Variants in CRACD observed in about 807,000 individuals in gnomAD.
The protein encoded by CRACD is capping protein inhibiting regulator of actin dynamics.
Under a neutral mutation model 106.8 loss-of-function variants are expected in CRACD, and 56 were observed. The observed-to-expected ratio is 0.52, with a 90% CI of 0.42 to 0.66. The LOEUF (loss-of-function observed/expected upper bound fraction) is 0.66. CRACD is among the 30% of genes least tolerant of loss of function. The pLI, the probability that CRACD is intolerant of heterozygous loss-of-function variation, is 0.00. For synonymous variants in CRACD, 754 were observed against 670.8 expected, an observed-to-expected ratio of 1.12 and a Z score of -1.92; for missense variants, 1,730 against 1,623.2, an observed-to-expected ratio of 1.07 and a Z score of -1.13.
intron 1 of CRACD, among the ~76,000 whole-genome samples, chr4:56,100,799 C>A (rs1427268128): frequency 6.6e-6 from 1 of 152,192 alleles, no homozygotes; most frequent in African/African-American, 2.4e-5. Flanking sequence ...CTGGCCTCCA[C>A]AATTCTGACA....
rs547519467 is a variant in CRACD, at chr4:56,229,849, G to A, written c.-188-42472G>A. On this transcript the variant is annotated intron_variant, in intron 2 of 10. Transcript: ENST00000682029. The stretch of plus-strand genomic sequence containing the variant: ...CTTCATTGCTTCCATTGCTACCCCT[G>A]CACAACTCTGTGATTTATCTCTGAA... 9.6e-4 allele frequency among the ~76,000 whole-genome samples: 146 copies of A among 152,206 alleles called. 1 individual carries two copies. Among genetic ancestry groups the A allele is most frequent in the African/African-American group, 3.5e-3 (145 of 41,528 alleles).
Position 56,324,207 on chromosome 4 carries a change from C to T in CRACD, c.3482C>T (p.Ser1161Phe), listed in dbSNP as rs749267106. The T allele has an allele frequency of 6.2e-7, 1 of 1,614,238 alleles. No individual in the cohort carries two copies. The highest frequency in any genetic ancestry group is 1.1e-5 in the South Asian group (1 of 91,082). ...GAGAAGAGGCCCGAGACTGCAGTGT[C>T]CAGGCTTGAGCGCAGAGAACAGCTG... The part of the protein sequence containing the change: ...PEEKRPETAV[S>F]RLERREQLKK... The change falls in exon 10 of 11, where the codon TCC becomes TTC. Residue 1161 changes from serine to phenylalanine, a missense_variant. By Grantham distance (155) the Ser-to-Phe change is radical (BLOSUM62 -2). Transcript: ENST00000682029.
At chr4:56,184,078 T>C (rs984186740) in intron 2 of CRACD, among the ~76,000 whole-genome samples, 1 of 152,152 alleles carries the variant, frequency 6.6e-6, no homozygotes, top group African/African-American at 2.4e-5. Context: ...TTTCTTTCTT[T>C]TTTTTCCCCC....
At position 56,315,319 on chromosome 4, in the gene CRACD, C is replaced by G. The variant is rs1196956721; in HGVS notation, c.1817C>G (p.Pro606Arg). ...GTCACGGGCGCGCAGCTCTGTGGCCCGGCAGTCAACCTGAGCCAGATCAAG... is the reference window on the plus strand; with the variant it reads ...GTCACGGGCGCGCAGCTCTGTGGCCGGGCAGTCAACCTGAGCCAGATCAAG... ...ILVTGAQLCG[P>R]AVNLSQIKDT... The change falls in exon 8 of 11, where the codon CCG (proline) becomes CGG (arginine). Residue 606 changes from proline (P) to arginine (R), a missense_variant. Pro to Arg is a moderately radical substitution (Grantham distance 103). Transcript: ENST00000682029. This position sits in a 1 kb window ranked among gnomAD's most constrained non-coding sequence, Gnocchi z 4.1. 2 of 1,613,762 alleles carry G rather than the reference C, an allele frequency of 1.2e-6. No homozygotes were observed. Among genetic ancestry groups the G allele is most frequent in the Middle Eastern group, 1.6e-4 (1 of 6,082 alleles).
intron 1 of CRACD, among the ~76,000 whole-genome samples, chr4:56,060,249 A>C (rs1275548879): frequency 6.6e-6 from 1 of 151,728 alleles, no homozygotes; most frequent in Non-Finnish European, 1.5e-5. Context: ...TGTTCATGCC[A>C]GTTACTGTGG....
chr4:56,270,215 T>G (rs1252638131), intron 2 of CRACD, among the ~76,000 whole-genome samples: 1 of 115,788 alleles, frequency 8.6e-6, no homozygotes, highest in Non-Finnish European at 1.8e-5. Context: ...CTTCAAATTT[T>G]CTTTTTCTTT....
chr4:56,237,721 TACAC>T (rs36207795), intron 2 of CRACD, among the ~76,000 whole-genome samples: 5,351 of 144,264 alleles, frequency 0.037, 115 homozygotes, highest in Admixed American at 0.077. Context: ...AGATATTACA[TACAC>T]ACACACACAC....
intron 2 of CRACD, among the ~76,000 whole-genome samples, chr4:56,221,579 T>C (rs1243112651): frequency 1.3e-5 from 2 of 151,918 alleles, no homozygotes; most frequent in African/African-American, 4.8e-5. Context: ...ACCCACAGAA[T>C]GGGAGAAAAT....
chr4:56,267,616 C>CT (rs990874898), intron 2 of CRACD, among the ~76,000 whole-genome samples: 3 of 152,240 alleles, frequency 2.0e-5, no homozygotes, highest in East Asian at 3.9e-4. Context: ...CTTAGGACCT[C>CT]TTTTTTTCTT....
At chr4:56,088,080 C>T (rs1190037356) in intron 1 of CRACD, among the ~76,000 whole-genome samples, 1 of 151,826 alleles carries the variant, frequency 6.6e-6, no homozygotes, top group African/African-American at 2.4e-5. Context: ...CCCAAATCTC[C>T]AGTGTGACTA....
intron 2 of CRACD, among the ~76,000 whole-genome samples, chr4:56,182,205 A>G (rs1736856882): frequency 6.6e-6 from 1 of 151,908 alleles, no homozygotes; most frequent in African/African-American, 2.4e-5. Context: ...ACGTGGCAAA[A>G]TCCTGTCTCT....
Position 56,272,325 on chromosome 4 carries a change from G to C in CRACD, c.-184G>C, listed in dbSNP as rs1742404388. 6.5e-6 allele frequency: 1 copy of C among 153,296 alleles called. No individual in the cohort carries two copies. Among genetic ancestry groups the C allele is most frequent in the South Asian group, 2.1e-4 (1 of 4,834 alleles). The allele number at this position is 153,296 out of a possible 1,614,324, so 9.5% of individuals were successfully genotyped here. On this transcript the variant is annotated 5_prime_UTR_variant, in exon 3 of 11. Transcript: ENST00000682029. ...TGTTTGTTTTACAATCCACAGACAA[G>C]AAGAAGGGAGGCAAATTCCAGCCTT...
intron 2 of CRACD, among the ~76,000 whole-genome samples, chr4:56,227,348 G>T (rs1441715894): frequency 7.0e-6 from 1 of 142,716 alleles, no homozygotes; most frequent in African/African-American, 2.6e-5. Context: ...AAAATTTCAG[G>T]TGTGGGACAC....
intron 1 of CRACD, among the ~76,000 whole-genome samples, chr4:56,095,896 G>A (rs1051680366): frequency 7.9e-5 from 12 of 152,190 alleles, no homozygotes; most frequent in African/African-American, 2.9e-4. Flanking sequence ...AGTGAGATAT[G>A]GTTTTTATAT....
intron 2 of CRACD, among the ~76,000 whole-genome samples, chr4:56,261,700 CAT>C (rs1369085614): frequency 6.6e-6 from 1 of 151,842 alleles, no homozygotes; most frequent in African/African-American, 2.4e-5. Context: ...AACTGTGAAA[CAT>C]ATATAAAAGG....
chr4:56,202,167 A>C (rs1453935502), intron 2 of CRACD, among the ~76,000 whole-genome samples: 1 of 151,882 alleles, frequency 6.6e-6, no homozygotes, highest in Non-Finnish European at 1.5e-5. Context: ...CTGGGGTGGA[A>C]AATATTTCAC....
chr4:56,148,623 A>G (rs923472554), intron 1 of CRACD, among the ~76,000 whole-genome samples: 1 of 152,136 alleles, frequency 6.6e-6, no homozygotes, highest in African/African-American at 2.4e-5. Flanking sequence ...TATTTCCCCA[A>G]TGACTAATGA....
intron 2 of CRACD, among the ~76,000 whole-genome samples, chr4:56,266,892 T>C (rs1242086267): frequency 6.6e-6 from 1 of 152,204 alleles, no homozygotes; most frequent in East Asian, 1.9e-4. Flanking sequence ...TTTTTTGACA[T>C]GAGAGATCTT....
At chr4:56,082,817 A>G (rs1374726648) in intron 1 of CRACD, among the ~76,000 whole-genome samples, 5 of 152,162 alleles carry the variant, frequency 3.3e-5, no homozygotes, top group South Asian at 4.1e-4. Context: ...AGAGGACATC[A>G]AATTCTGTTT....
Sources: gnomAD v4.1 joint callset for allele counts (sites outside exome capture counted in the v4.1 genomes callset) on GRCh38, gnomAD v4.1.1 for gene constraint, Gnocchi (gnomAD v3.1) non-coding constraint, MANE v1.5 for transcripts, NCBI Gene and HGNC (gene_info 2026-07-23, HGNC 2026-07-21) for gene names.